IQGAP3: variants seen among roughly 807,000 people sequenced by gnomAD.
The protein encoded by IQGAP3 is ras GTPase-activating-like protein IQGAP3.
In IQGAP3, 165 loss-of-function variants were observed where a neutral mutation model predicts 208.2. That is an observed-to-expected ratio of 0.79 (90% CI 0.70 to 0.90). The LOEUF (loss-of-function observed/expected upper bound fraction) is 0.90. Ranked by LOEUF, IQGAP3 falls within the 40% of genes least tolerant of loss-of-function variation. The probability of loss-of-function intolerance (pLI) is 0.00; values close to 1 mark genes in which losing one functional copy is unlikely to be tolerated. For synonymous variants in IQGAP3, 703 were observed against 803.6 expected, an observed-to-expected ratio of 0.87 and a Z score of 2.12; for missense variants, 1,811 against 2,043.1, an observed-to-expected ratio of 0.89 and a Z score of 2.19.
chr1:156,530,057 C>CACACACACGT, intron 34 of IQGAP3, 48 bp downstream of exon 34: 1 of 1,423,118 alleles, frequency 7.0e-7, no homozygotes, highest in Non-Finnish European at 9.7e-7. Context: ...TGCACGCACA[C>CACACACACGT]ACACACACGT....
At position 156,550,341 on chromosome 1, in the gene IQGAP3, T is replaced by A; in HGVS notation, c.1745A>T (p.Asp582Val). 1 of 1,613,378 alleles carries A rather than the reference T, an allele frequency of 6.2e-7. No individual in the cohort carries two copies. Among genetic ancestry groups the A allele is most frequent in the East Asian group, 2.2e-5 (1 of 44,866 alleles). The change falls in exon 16 of 38, where the codon GAT (aspartate) becomes GTT (valine). Residue 582 changes from aspartate (D) to valine (V), a missense_variant. Coordinates refer to ENST00000361170, the MANE Select transcript of IQGAP3 (RefSeq NM_178229.5). Reference sequence around the variant, plus strand: ...CTCAAGCCACAGCACAGCTCCAGGATCCCCTGTCACCTGGCAGATTGAGGG... The same window carrying A: ...CTCAAGCCACAGCACAGCTCCAGGAACCCCTGTCACCTGGCAGATTGAGGG... Reference protein sequence around the residue: ...AKRQKAQVTGDPGAVLWLEEI... With the variant: ...AKRQKAQVTGVPGAVLWLEEI...
At chr1:156,562,328 C>CT (rs1676193670) in intron 9 of IQGAP3, among the ~76,000 whole-genome samples, 2 of 120,090 alleles carry the variant, frequency 1.7e-5, no homozygotes, top group South Asian at 7.5e-4. Flanking sequence ...AGTCCAACTG[C>CT]CCCCCCGGCA....
chr1:156,563,207 T>G lies in IQGAP3; in HGVS notation c.725A>C (p.Glu242Ala). The G allele has an allele frequency of 2.5e-6, 4 of 1,613,218 alleles. No homozygotes were observed. Among genetic ancestry groups the G allele is most frequent in the Non-Finnish European group, 3.4e-6 (4 of 1,179,356 alleles). ...NPSALLENLREPLAAVYQEML... is the reference protein window; with the variant it reads ...NPSALLENLRAPLAAVYQEML... The stretch of plus-strand genomic sequence containing the variant: ...CTCTTGGTAGACGGCTGCCAGAGGC[T>G]CTCGGAGATTCTCCAGAAGAGCACT... Residue 242 changes from glutamate (E) to alanine (A), a missense_variant, in exon 8 of 38, where the codon GAG (glutamate) becomes GCG (alanine). Transcript: ENST00000361170.
At chr1:156,561,250 CCT>C (rs907198814) in intron 10 of IQGAP3, among the ~76,000 whole-genome samples, 3 of 151,996 alleles carry the variant, frequency 2.0e-5, no homozygotes, top group Admixed American at 6.6e-5. Flanking sequence ...CTCACGGCAA[CCT>C]CTGCCTCCCG....
At chr1:156,550,223 T>C in intron 16 of IQGAP3, 38 bp downstream of exon 16, 1 of 1,423,860 alleles carries the variant, frequency 7.0e-7, no homozygotes, top group Non-Finnish European at 9.9e-7. Context: ...CACATCACCA[T>C]CCCTCCCCTC....
Position 156,572,563 on chromosome 1 carries a change from G to A in IQGAP3, c.-34C>T, listed in dbSNP as rs759255850. On this transcript the variant is annotated 5_prime_UTR_variant, in exon 1 of 38. It adds an upstream start codon to the 5' untranslated region. Transcript: ENST00000361170. Reference sequence around the variant, plus strand: ...TTCTTCCAGGTTTGAATCTCCCGCCGTTGGGCCACCGCCCCTCACCGTCGG... The same window carrying A: ...TTCTTCCAGGTTTGAATCTCCCGCCATTGGGCCACCGCCCCTCACCGTCGG... 1 of 1,611,812 alleles carries A rather than the reference G, an allele frequency of 6.2e-7. No individual in the cohort carries two copies. Among genetic ancestry groups the A allele is most frequent in the Non-Finnish European group, 8.5e-7 (1 of 1,179,080 alleles).
intron 4 of IQGAP3, 77 bp downstream of exon 4, chr1:156,565,950 G>A: frequency 9.2e-7 from 1 of 1,086,168 alleles, no homozygotes; most frequent in South Asian, 1.2e-5. Context: ...AAAGGGTCCA[G>A]GGAGATAAAG....
chr1:156,542,434 C>T (rs1030407356), intron 22 of IQGAP3, among the ~76,000 whole-genome samples: 1 of 152,154 alleles, frequency 6.6e-6, no homozygotes, highest in Admixed American at 6.5e-5. Context: ...AGGTGATTCT[C>T]CTGCCTCAGC....
At chr1:156,538,627 G>A (rs1032394085) in intron 26 of IQGAP3, among the ~76,000 whole-genome samples, 182 bp downstream of exon 26, 1 of 152,232 alleles carries the variant, frequency 6.6e-6, no homozygotes, top group African/African-American at 2.4e-5. Context: ...TTAATTATCA[G>A]AGGGGGTCTA....
chr1:156,527,753 G>GTCTGT (rs1040514108), intron 37 of IQGAP3, among the ~76,000 whole-genome samples, 199 bp downstream of exon 37: 9 of 152,198 alleles, frequency 5.9e-5, no homozygotes, highest in African/African-American at 2.2e-4. Flanking sequence ...TGCCAGTGGG[G>GTCTGT]TCTGTGTCAG....
rs1438031609 is a variant in IQGAP3, at chr1:156,534,727, C to T, written c.3514G>A (p.Gly1172Arg). ...AGGAAGCGGTAGTACAGGAGGTTCC[C>T]GACCACCTGAGGGCAAAGGAGACTC... Reference protein sequence around the residue: ...ATDSEVYKVVGNLLYYRFLNP... With the variant: ...ATDSEVYKVVRNLLYYRFLNP... The change falls in exon 29 of 38, where the codon GGG becomes AGG. Residue 1172 changes from glycine (G) to arginine (R), a missense_variant. Coordinates refer to ENST00000361170, the MANE Select transcript of IQGAP3 (RefSeq NM_178229.5). The T allele has an allele frequency of 1.2e-5, 19 of 1,557,226 alleles. No homozygotes were observed. The highest frequency in any genetic ancestry group is 2.4e-5 in the South Asian group (2 of 83,302).
intron 12 of IQGAP3, among the ~76,000 whole-genome samples, chr1:156,555,539 C>G (rs2102418698): frequency 6.6e-6 from 1 of 152,262 alleles, no homozygotes; most frequent in South Asian, 2.1e-4. Flanking sequence ...TTCCTATTTT[C>G]TCCTAACAGA....
chr1:156,545,487 C>T (rs987156655), intron 19 of IQGAP3, among the ~76,000 whole-genome samples: 9 of 149,178 alleles, frequency 6.0e-5, no homozygotes, highest in African/African-American at 2.3e-4. Flanking sequence ...TTTGTTCCCA[C>T]TGAAATACTT....
intron 19 of IQGAP3, among the ~76,000 whole-genome samples, chr1:156,547,048 C>T (rs1199839820): frequency 6.6e-6 from 1 of 152,194 alleles, no homozygotes; most frequent in Non-Finnish European, 1.5e-5. Context: ...CTTACATTGC[C>T]AGCACCTCCA....
At chr1:156,563,483 T>C in intron 7 of IQGAP3, 70 bp downstream of exon 7, 1 of 1,407,566 alleles carries the variant, frequency 7.1e-7, no homozygotes, top group Non-Finnish European at 9.8e-7. Context: ...ACCCATCCAA[T>C]GGCTGTGAGG....
At chr1:156,567,098 C>A (rs1676442599) in intron 2 of IQGAP3, among the ~76,000 whole-genome samples, 1 of 152,274 alleles carries the variant, frequency 6.6e-6, no homozygotes. Context: ...AACTCCCGAC[C>A]TCAGGTGATC....
chr1:156,556,441 T>C (rs1675823223), intron 12 of IQGAP3, 92 bp downstream of exon 12: 5 of 1,225,604 alleles, frequency 4.1e-6, no homozygotes, highest in Non-Finnish European at 5.9e-6. Context: ...GCATCTCATA[T>C]CGCACTCACA....
chr1:156,534,796 A>C, intron 28 of IQGAP3, 63 bp from the exon 29 acceptor site: 1 of 1,239,122 alleles, frequency 8.1e-7, no homozygotes, highest in Non-Finnish European at 1.1e-6. Flanking sequence ...GCGGCCCCAC[A>C]TTCTCAGCTT....
At position 156,563,641 on chromosome 1, in the gene IQGAP3, G is replaced by T. The variant is rs75110454; in HGVS notation, c.531C>A (p.Ser177=). The change falls in exon 7 of 38, where the codon TCC becomes TCA. Residue 177 remains serine (S), a synonymous_variant. Coordinates refer to ENST00000361170, the MANE Select transcript of IQGAP3 (RefSeq NM_178229.5). ...GCTGGAGGCCATATTTGGCCAGTTCGGACGCCATGTTGCTGAGTTCCTCAG... is the reference window on the plus strand; with the variant it reads ...GCTGGAGGCCATATTTGGCCAGTTCTGACGCCATGTTGCTGAGTTCCTCAG... ...FTAEELSNMA[S]ELAKYGLQLP... 13,980 of 1,612,908 alleles carry T rather than the reference G, an allele frequency of 8.7e-3. 87 individuals carry two copies. Among genetic ancestry groups the T allele is most frequent in the African/African-American group, 0.022 (1,620 of 74,914 alleles).
Sources: gnomAD v4.1 joint callset for allele counts (sites outside exome capture counted in the v4.1 genomes callset) on GRCh38, gnomAD v4.1.1 for gene constraint, MANE v1.5 for transcripts, NCBI Gene and HGNC (gene_info 2026-07-23, HGNC 2026-07-21) for gene names.